Variants in PDE1A observed in about 807,000 individuals in gnomAD.
PDE1A encodes dual specificity calcium/calmodulin-dependent 3',5'-cyclic nucleotide phosphodiesterase 1A.
PDE1A carries 35 observed loss-of-function variants against 61.7 expected under a neutral mutation model. That is an observed-to-expected ratio of 0.57 (90% CI 0.43 to 0.75). The LOEUF (loss-of-function observed/expected upper bound fraction) is 0.75. Ranked by LOEUF, PDE1A falls within the 30% of genes least tolerant of loss-of-function variation. The pLI is 0.00. For synonymous variants in PDE1A, 232 were observed against 213.2 expected (o/e 1.09, Z -0.77); for missense variants, 597 against 630.6 (o/e 0.95, Z 0.57).
chr2:182,154,611 TTCTTGCCTC>T (rs1690965345), intron 13 of PDE1A, among the ~76,000 whole-genome samples: 1 of 152,184 alleles, frequency 6.6e-6, no homozygotes, highest in African/African-American at 2.4e-5. Context: ...GGTCTCCTGC[TTCTTGCCTC>T]TCTTGCCTGC....
At chr2:182,700,294 G>A in the PDE1A span, among the ~76,000 whole-genome samples, 351 of 152,294 alleles carry the variant, frequency 2.3e-3, 2 homozygotes, top group African/African-American at 7.8e-3. Context: ...TATGTAGGCC[G>A]GGCGCGGTGG....
intron 2 of PDE1A, among the ~76,000 whole-genome samples, chr2:182,498,326 A>G (rs76381034): frequency 2.3e-3 from 352 of 152,236 alleles, no homozygotes; most frequent in Non-Finnish European, 3.6e-3. Flanking sequence ...TATTATATAC[A>G]TAGCAAAAGA....
intron 6 of PDE1A, among the ~76,000 whole-genome samples, chr2:182,227,365 T>G (rs760355211): frequency 4.6e-5 from 7 of 151,980 alleles, no homozygotes; most frequent in Admixed American, 3.3e-4. Context: ...GTGTATTATA[T>G]AAAGGGTGGG....
chr2:182,572,889 A>T, the PDE1A span, among the ~76,000 whole-genome samples: 1 of 151,192 alleles, frequency 6.6e-6, no homozygotes, highest in African/African-American at 2.4e-5. Context: ...AAAAAAAAAA[A>T]GTGAAAGATA....
chr2:182,219,467 C>T (rs1450226785), intron 7 of PDE1A, among the ~76,000 whole-genome samples: 1 of 152,016 alleles, frequency 6.6e-6, no homozygotes, highest in East Asian at 1.9e-4. Context: ...AGCAAAATCA[C>T]TATGTTCAAT....
chr2:182,481,538 A>G (rs1173379909), intron 2 of PDE1A, among the ~76,000 whole-genome samples: 2 of 151,994 alleles, frequency 1.3e-5, no homozygotes, highest in African/African-American at 4.8e-5. Flanking sequence ...CAAAATGGTA[A>G]TGACTGATTT....
intron 1 of PDE1A, among the ~76,000 whole-genome samples, chr2:182,300,537 A>T (rs1331413261): frequency 3.8e-4 from 58 of 152,194 alleles, no homozygotes; most frequent in Non-Finnish European, 2.9e-5. Flanking sequence ...GGGGCAGAAC[A>T]TATATTTAAG....
At chr2:182,595,793 T>C in the PDE1A span, among the ~76,000 whole-genome samples, 8 of 152,230 alleles carry the variant, frequency 5.3e-5, no homozygotes, top group Non-Finnish European at 5.9e-5. Flanking sequence ...TGCTTTCATC[T>C]GAAGGAGGAG....
intron 1 of PDE1A, among the ~76,000 whole-genome samples, chr2:182,284,235 A>C (rs532120951): frequency 1.3e-5 from 2 of 152,162 alleles, no homozygotes; most frequent in Non-Finnish European, 2.9e-5. Flanking sequence ...AAAGATTTCA[A>C]GAAATTGTCA....
chr2:182,678,355 G>A, the PDE1A span, among the ~76,000 whole-genome samples: 1 of 152,132 alleles, frequency 6.6e-6, no homozygotes, highest in Non-Finnish European at 1.5e-5. Flanking sequence ...CCTGGGAGGT[G>A]GAGGTTGCAG....
At chr2:182,186,050 G>T in exon 13 of PDE1A, 1 of 1,613,964 alleles carries the variant, frequency 6.2e-7, no homozygotes, top group East Asian at 2.2e-5. Flanking sequence ...TAGTGCATCA[G>T]CAATGTGTAA....
chr2:182,184,085 G>C (rs1331859364), intron 13 of PDE1A, among the ~76,000 whole-genome samples: 1 of 151,822 alleles, frequency 6.6e-6, no homozygotes, highest in Non-Finnish European at 1.5e-5. Flanking sequence ...GAGATCCAGA[G>C]CATCCAGGAC....
At chr2:182,561,118 T>C in the PDE1A span, among the ~76,000 whole-genome samples, 1 of 147,620 alleles carries the variant, frequency 6.8e-6, no homozygotes, top group Non-Finnish European at 1.5e-5. Context: ...GTTTTAGACA[T>C]GAAGTCCTTG....
chr2:182,545,511 G>A, the PDE1A span, among the ~76,000 whole-genome samples: 2 of 152,082 alleles, frequency 1.3e-5, no homozygotes, highest in East Asian at 1.9e-4. Flanking sequence ...TAATAACTCT[G>A]ATGGATACAA....
At chr2:182,230,104 C>T (rs1203686944) in exon 6 of PDE1A, 1 of 1,612,816 alleles carries the variant, frequency 6.2e-7, no homozygotes, top group East Asian at 2.2e-5. Context: ...CTGTAACCAA[C>T]TTCTAAAGCT....
At chr2:182,417,824 TG>T (rs1703013159) in intron 1 of PDE1A, among the ~76,000 whole-genome samples, 1 of 152,150 alleles carries the variant, frequency 6.6e-6, no homozygotes, top group Non-Finnish European at 1.5e-5. Flanking sequence ...TCAAAATCTC[TG>T]GTTACAAATG....
At chr2:182,343,037 A>ATT (rs1401987287) in intron 1 of PDE1A, among the ~76,000 whole-genome samples, 1 of 152,230 alleles carries the variant, frequency 6.6e-6, no homozygotes, top group Non-Finnish European at 1.5e-5. Flanking sequence ...AAATGCAACT[A>ATT]TAATTATGTT....
At chr2:182,143,607 C>G (rs1690338164), downstream of PDE1A, among the ~76,000 whole-genome samples, 1 of 152,078 alleles carries the variant, frequency 6.6e-6, no homozygotes, top group South Asian at 2.1e-4. Flanking sequence ...GCTCCGCCTC[C>G]CGGGTTCACG....
At chr2:182,194,244 C>A (rs1433598444) in intron 10 of PDE1A, among the ~76,000 whole-genome samples, 1 of 152,086 alleles carries the variant, frequency 6.6e-6, no homozygotes, top group Non-Finnish European at 1.5e-5. Context: ...AATACAAACA[C>A]ATTTTGATGG....
Sources: gnomAD v4.1 joint callset for allele counts (sites outside exome capture counted in the v4.1 genomes callset) on GRCh38, gnomAD v4.1.1 for gene constraint, MANE v1.5 for transcripts, NCBI Gene and HGNC (gene_info 2026-07-23, HGNC 2026-07-21) for gene names.